Variants in LMX1B observed in about 807,000 individuals in gnomAD.
LMX1B encodes LIM homeobox transcription factor 1-beta.
Under a neutral mutation model 51.4 loss-of-function variants are expected in LMX1B, and 12 were observed. That is an observed-to-expected ratio of 0.23 (90% CI 0.15 to 0.38). LMX1B has a LOEUF of 0.38. LMX1B is among the 10% of genes least tolerant of loss of function. The pLI, the probability that LMX1B is intolerant of heterozygous loss-of-function variation, is 1.00. For missense variants in LMX1B, 445 were observed against 571.1 expected (o/e 0.78, Z 2.25); for synonymous variants, 237 against 235.4 (o/e 1.01, Z -0.06).
chr9:126,623,856 CG>C (rs1203289972), intron 2 of LMX1B, among the ~76,000 whole-genome samples: 1 of 152,184 alleles, frequency 6.6e-6, no homozygotes, highest in East Asian at 1.9e-4. Context: ...CTTCGACGTC[CG>C]GACACGCGGA....
In LMX1B at chr9:126,673,410, C is replaced by T. The variant is rs913726220; in HGVS notation, c.327-17426C>T. Among the ~76,000 whole-genome samples the T allele has an allele frequency of 1.3e-5, 2 of 152,088 alleles. No individual in the cohort carries two copies. The highest frequency in any genetic ancestry group is 2.4e-5 in the African/African-American group (1 of 41,398). Reference sequence around the variant, plus strand: ...CAGGGAGCTGGGCAGATCTGAGAGCCGCACAGGAGGCCAGTGGGGTCAAGC... The same window carrying T: ...CAGGGAGCTGGGCAGATCTGAGAGCTGCACAGGAGGCCAGTGGGGTCAAGC... On this transcript the variant is annotated intron_variant, in intron 2 of 7. Coordinates refer to ENST00000373474, the MANE Select transcript of LMX1B (RefSeq NM_001174147.2). The surrounding 1 kb of genome is among the most constrained non-coding windows in gnomAD (Gnocchi z 4.4).
At chr9:126,622,852 C>T (rs1294295281) in intron 2 of LMX1B, among the ~76,000 whole-genome samples, 1 of 152,256 alleles carries the variant, frequency 6.6e-6, no homozygotes, top group Non-Finnish European at 1.5e-5. Flanking sequence ...ATGTCTCCAT[C>T]TCCCAGTGAC....
intron 2 of LMX1B, among the ~76,000 whole-genome samples, chr9:126,656,381 C>CGA (rs1836115028): frequency 1.5e-5 from 2 of 134,772 alleles, no homozygotes; most frequent in African/African-American, 5.6e-5. Flanking sequence ...GAGATCTGGT[C>CGA]TTTAGATAGA....
intron 2 of LMX1B, among the ~76,000 whole-genome samples, chr9:126,654,654 G>A (rs1011111934): frequency 6.6e-6 from 1 of 152,204 alleles, no homozygotes; most frequent in African/African-American, 2.4e-5. Context: ...TCTTCTCCCA[G>A]TGACTCCACT....
rs1299870127 is a variant in LMX1B at position 126,693,342 on chromosome 9, G to A, written c.741+19G>A. 6.3e-7 allele frequency: 1 copy of A among 1,581,498 alleles called. No homozygotes were observed. Among genetic ancestry groups the A allele is most frequent in the East Asian group, 2.3e-5 (1 of 42,752 alleles). ...CCGAAAGGTGAGGGGCGGCCGGGGG[G>A]CGGGGCTCAGGCTGATGCCCGCACA... On this transcript the variant is annotated intron_variant, in intron 4 of 7. Coordinates refer to ENST00000373474, the MANE Select transcript of LMX1B (RefSeq NM_001174147.2).
intron 2 of LMX1B, among the ~76,000 whole-genome samples, chr9:126,681,341 T>C (rs1051012800): frequency 6.6e-6 from 1 of 152,140 alleles, no homozygotes; most frequent in African/African-American, 2.4e-5. Flanking sequence ...AGGGCTGCAC[T>C]CCCTGTTCTT....
intron 2 of LMX1B, among the ~76,000 whole-genome samples, chr9:126,674,972 C>T (rs145916913): frequency 2.6e-5 from 4 of 152,124 alleles, no homozygotes; most frequent in Non-Finnish European, 4.4e-5. Flanking sequence ...CCCACAAGAC[C>T]GTCAACAGGG....
intron 2 of LMX1B, among the ~76,000 whole-genome samples, chr9:126,623,226 C>T (rs1383878194): frequency 6.6e-6 from 1 of 152,190 alleles, no homozygotes. Context: ...GGCATGGGGC[C>T]GGTCTGGATG....
At position 126,698,508 on chromosome 9, in the gene LMX1B, C is replaced by T. The variant is rs2030425636; in HGVS notation, c.*2057C>T. ...GGAAGTCAGGTGCACTAGATCCATC[C>T]CCAGCCCCAGTCTGCTCAACTCTAT... On this transcript the variant is annotated 3_prime_UTR_variant, in exon 8 of 8. Coordinates refer to ENST00000373474, the MANE Select transcript of LMX1B (RefSeq NM_001174147.2). 1 of 152,270 alleles carries T rather than the reference C, an allele frequency of 6.6e-6. No individual in the cohort carries two copies. The highest frequency in any genetic ancestry group is 2.4e-5 in the African/African-American group (1 of 41,452). 9.4% of individuals were successfully genotyped at this position (152,270 alleles called of 1,614,324 possible).
At chr9:126,678,465 A>G (rs1836614526) in intron 2 of LMX1B, among the ~76,000 whole-genome samples, 1 of 152,204 alleles carries the variant, frequency 6.6e-6, no homozygotes, top group Non-Finnish European at 1.5e-5. Context: ...GAAGCTGGGC[A>G]TTTGAACACA....
intron 3 of LMX1B, among the ~76,000 whole-genome samples, chr9:126,692,896 G>A (rs2030183344): frequency 1.3e-5 from 2 of 152,236 alleles, no homozygotes. Context: ...CCAGGATGAG[G>A]GAGTGAGGCG....
intron 2 of LMX1B, among the ~76,000 whole-genome samples, chr9:126,624,663 C>T (rs10733681): frequency 0.96 from 143,086 of 149,012 alleles, 68,907 homozygotes; most frequent in East Asian, 1. Flanking sequence ...TTTTTTTTAT[C>T]TTGTTTTTTT....
chr9:126,628,494 C>T (rs1204740616), intron 2 of LMX1B, among the ~76,000 whole-genome samples: 1 of 152,216 alleles, frequency 6.6e-6, no homozygotes, highest in Non-Finnish European at 1.5e-5. Flanking sequence ...CAGCAACAGC[C>T]AGGTCTCAGC....
chr9:126,616,515 G>T (rs1008000692), intron 2 of LMX1B, among the ~76,000 whole-genome samples: 2 of 152,248 alleles, frequency 1.3e-5, no homozygotes, highest in African/African-American at 4.8e-5. Context: ...AACTGAAAGA[G>T]GGGTGTGGAG....
At chr9:126,639,308 G>A (rs868173865) in intron 2 of LMX1B, among the ~76,000 whole-genome samples, 3 of 152,126 alleles carry the variant, frequency 2.0e-5, no homozygotes, top group African/African-American at 2.4e-5. Flanking sequence ...GCCGGTCCCC[G>A]AGGGCTCGGT....
Position 126,697,083 on chromosome 9 carries a change from AAC to A in LMX1B, c.*642_*643del. ...GCACACTTGCAGACAAACCCACGCA[AAC>A]ACACACACAGCTGTATGGGGACACC... On this transcript the variant is annotated 3_prime_UTR_variant, in exon 8 of 8. Coordinates refer to ENST00000373474, the MANE Select transcript of LMX1B (RefSeq NM_001174147.2). 2 of 159,000 alleles carry A rather than the reference AAC, an allele frequency of 1.3e-5. No homozygotes were observed. The highest frequency in any genetic ancestry group is 5.9e-5 in the Admixed American group (1 of 16,946). 9.8% of individuals were successfully genotyped at this position (159,000 alleles called of 1,614,324 possible).
rs1056503350 is a variant in LMX1B at position 126,679,069 on chromosome 9, G to A, written c.327-11767G>A. Among the ~76,000 whole-genome samples, 6 of 152,232 alleles carry A rather than the reference G, an allele frequency of 3.9e-5. 1 individual carries two copies. Among genetic ancestry groups the A allele is most frequent in the South Asian group, 4.1e-4 (2 of 4,824 alleles). ...ACCCTGGAGATCTGACACTCCGCTC[G>A]CATGGAATACCTGCTCTCCCATTCT... On this transcript the variant is annotated intron_variant, in intron 2 of 7. Coordinates refer to ENST00000373474, the MANE Select transcript of LMX1B (RefSeq NM_001174147.2).
intron 2 of LMX1B, among the ~76,000 whole-genome samples, chr9:126,688,359 G>A (rs2029986611): frequency 2.0e-5 from 3 of 152,216 alleles, no homozygotes; most frequent in African/African-American, 7.2e-5. Flanking sequence ...TCCTCTCCGG[G>A]AGTCACCCAA....
intron 2 of LMX1B, among the ~76,000 whole-genome samples, chr9:126,619,663 A>C (rs1200364018): frequency 6.6e-6 from 1 of 152,266 alleles, no homozygotes; most frequent in East Asian, 1.9e-4. Context: ...TAACCCCGGC[A>C]CCTTGGCTGT....
Sources: gnomAD v4.1 joint callset for allele counts (sites outside exome capture counted in the v4.1 genomes callset) on GRCh38, gnomAD v4.1.1 for gene constraint, Gnocchi (gnomAD v3.1) non-coding constraint, MANE v1.5 for transcripts, NCBI Gene and HGNC (gene_info 2026-07-23, HGNC 2026-07-21) for gene names.